The following CYP4X1 variants were observed in gnomAD, a reference collection of about 807,000 sequenced individuals.
The protein encoded by CYP4X1 is cytochrome P450 4X1.
In CYP4X1, 44 loss-of-function variants were observed where a neutral mutation model predicts 57.9. That is an observed-to-expected ratio of 0.76 (90% confidence interval 0.60 to 0.98). The LOEUF (loss-of-function observed/expected upper bound fraction) is 0.98, where lower values mean the gene tolerates loss of function less well. CYP4X1 is among the 50% of genes least tolerant of loss of function. The probability of loss-of-function intolerance (pLI) is 0.00; values close to 1 mark genes in which losing one functional copy is unlikely to be tolerated. For synonymous variants in CYP4X1, 227 were observed against 228.6 expected (o/e 0.99, Z 0.06); for missense variants, 532 against 623.9 (o/e 0.85, Z 1.57).
At chr1:47,045,878 A>G (rs1393980474) in intron 8 of CYP4X1, among the ~76,000 whole-genome samples, 1 of 152,090 alleles carries the variant, frequency 6.6e-6, no homozygotes, top group Non-Finnish European at 1.5e-5. Flanking sequence ...CTTGCCAGTT[A>G]ATTGGTTTAA....
chr1:46,983,050 G>A, the CYP4X1 span, among the ~76,000 whole-genome samples: 1 of 152,338 alleles, frequency 6.6e-6, no homozygotes, highest in African/African-American at 2.4e-5. Flanking sequence ...CCCTGCCTGG[G>A]GACACGTGGT....
chr1:47,036,239 A>G, intron 6 of CYP4X1, 68 bp downstream of exon 6: 1 of 1,452,366 alleles, frequency 6.9e-7, no homozygotes, highest in South Asian at 1.7e-5. Flanking sequence ...GTCTAGAGGG[A>G]TAAACCTTAA....
At chr1:46,965,961 T>A in the CYP4X1 span, among the ~76,000 whole-genome samples, 1 of 152,186 alleles carries the variant, frequency 6.6e-6, no homozygotes, top group African/African-American at 2.4e-5. Flanking sequence ...ATCAGGGTCC[T>A]GCTTAAAGAA....
intron 1 of CYP4X1, among the ~76,000 whole-genome samples, chr1:47,029,289 C>T (rs952729483): frequency 1.3e-5 from 2 of 152,154 alleles, no homozygotes; most frequent in African/African-American, 4.8e-5. Flanking sequence ...TTTAGAGAAA[C>T]AATTTAAGTG....
chr1:46,983,127 A>C, the CYP4X1 span, among the ~76,000 whole-genome samples: 1 of 152,072 alleles, frequency 6.6e-6, no homozygotes, highest in Admixed American at 6.6e-5. Flanking sequence ...GTGTGCTGGA[A>C]GTGCAAGTAA....
the CYP4X1 span, among the ~76,000 whole-genome samples, chr1:46,999,026 T>TTGTGTGTGTG: frequency 0.038 from 5,461 of 143,214 alleles, 320 homozygotes; most frequent in African/African-American, 0.13. Flanking sequence ...CTTGCTTTCT[T>TTGTGTGTGTG]TGTGTGTGTG....
chr1:46,999,026 T>TTGTGTGTGTGTGTGTG, the CYP4X1 span, among the ~76,000 whole-genome samples: 675 of 143,292 alleles, frequency 4.7e-3, 6 homozygotes, highest in African/African-American at 0.015. Context: ...CTTGCTTTCT[T>TTGTGTGTGTGTGTGTG]TGTGTGTGTG....
At chr1:47,026,680 C>T (rs561594556) in intron 1 of CYP4X1, among the ~76,000 whole-genome samples, 1 of 152,070 alleles carries the variant, frequency 6.6e-6, no homozygotes, top group East Asian at 1.9e-4. Flanking sequence ...ACACAGAAAG[C>T]CTTTCCGTTT....
intron 1 of CYP4X1, among the ~76,000 whole-genome samples, chr1:47,024,886 T>C (rs1273790922): frequency 6.6e-6 from 1 of 152,226 alleles, no homozygotes; most frequent in African/African-American, 2.4e-5. Flanking sequence ...TTCCCCACTT[T>C]CTAGTCTTTC....
chr1:47,037,605 T>C (rs1486280108), intron 6 of CYP4X1, among the ~76,000 whole-genome samples: 1 of 152,118 alleles, frequency 6.6e-6, no homozygotes, highest in Non-Finnish European at 1.5e-5. Context: ...GATGTGTGCA[T>C]TGTAGGATGT....
rs1644219437 is a variant in CYP4X1, at chr1:47,039,331, G to A, written c.883-11G>A. The stretch of plus-strand genomic sequence containing the variant: ...GCATTTTATTTAAAATATTTGTATT[G>A]TACTTTCTAGGATGAAAGTGGTAGC... On this transcript the variant is annotated splice_polypyrimidine_tract_variant and intron_variant, in intron 7 of 11. Transcript: ENST00000371901. 3 of 1,574,936 alleles carry A rather than the reference G, an allele frequency of 1.9e-6. No homozygotes were observed. The highest frequency in any genetic ancestry group is 2.6e-6 in the Non-Finnish European group (3 of 1,161,454).
chr1:46,972,924 T>G, the CYP4X1 span, among the ~76,000 whole-genome samples: 2 of 152,218 alleles, frequency 1.3e-5, no homozygotes, highest in African/African-American at 4.8e-5. Context: ...CTTTTTATTT[T>G]TATTATTTTG....
the CYP4X1 span, among the ~76,000 whole-genome samples, chr1:47,005,124 T>G: frequency 6.6e-6 from 1 of 152,178 alleles, no homozygotes; most frequent in South Asian, 2.1e-4. Context: ...TGAGGAATCC[T>G]CTGGACCTCA....
downstream of CYP4X1, among the ~76,000 whole-genome samples, chr1:47,051,857 A>C (rs1644361841): frequency 6.6e-6 from 1 of 152,158 alleles, no homozygotes; most frequent in South Asian, 2.1e-4. Flanking sequence ...AATAAAAGTA[A>C]AATTCTAAAA....
At chr1:46,998,207 T>A in the CYP4X1 span, among the ~76,000 whole-genome samples, 7 of 152,108 alleles carry the variant, frequency 4.6e-5, no homozygotes, top group African/African-American at 1.4e-4. Context: ...TGTTCTGTCA[T>A]CCAGGTCACC....
chr1:46,967,709 C>A, the CYP4X1 span: 2 of 967,592 alleles, frequency 2.1e-6, no homozygotes, highest in Non-Finnish European at 2.8e-6. Flanking sequence ...TGGTTAGGGA[C>A]CCTCCTGAGA....
chr1:46,983,897 T>C, the CYP4X1 span, among the ~76,000 whole-genome samples: 13 of 151,966 alleles, frequency 8.6e-5, no homozygotes, highest in Non-Finnish European at 1.8e-4. Context: ...CAAGGTATAG[T>C]GGATGCTATG....
At chr1:47,045,422 C>G (rs1466169122) in intron 8 of CYP4X1, among the ~76,000 whole-genome samples, 2 of 152,184 alleles carry the variant, frequency 1.3e-5, no homozygotes, top group African/African-American at 4.8e-5. Context: ...CTGAGTAAGT[C>G]TCATAGAGTT....
the CYP4X1 span, among the ~76,000 whole-genome samples, chr1:47,010,179 C>A: frequency 7.9e-5 from 12 of 150,966 alleles, no homozygotes; most frequent in African/African-American, 3.0e-4. Context: ...ACTAGCAAAC[C>A]GAATCCAGCA....
Sources: gnomAD v4.1 joint callset for allele counts (sites outside exome capture counted in the v4.1 genomes callset) on GRCh38, gnomAD v4.1.1 for gene constraint, MANE v1.5 for transcripts, NCBI Gene and HGNC (gene_info 2026-07-23, HGNC 2026-07-21) for gene names.